SLC12A1: variants seen among roughly 807,000 people sequenced by gnomAD.
The protein encoded by SLC12A1 is solute carrier family 12 member 1.
SLC12A1 carries 89 observed loss-of-function variants against 130.4 expected under a neutral mutation model. That is an observed-to-expected ratio of 0.68 (90% CI 0.58 to 0.81). The LOEUF (loss-of-function observed/expected upper bound fraction) is 0.81, where lower values mean the gene tolerates loss of function less well. Ranked by LOEUF, SLC12A1 falls within the 40% of genes least tolerant of loss-of-function variation. SLC12A1 has a pLI of 0.00. For synonymous variants in SLC12A1, 499 were observed against 460.0 expected (o/e 1.08, Z -1.09); for missense variants, 1,310 against 1,336.4 (o/e 0.98, Z 0.31).
At chr15:48,241,162 C>T (rs968762276) in intron 9 of SLC12A1, among the ~76,000 whole-genome samples, 1 of 152,086 alleles carries the variant, frequency 6.6e-6, no homozygotes, top group Non-Finnish European at 1.5e-5. Flanking sequence ...TATATTTTCC[C>T]CTACAAATTC....
Position 48,241,732 on chromosome 15 carries a change from C to T in SLC12A1, c.1300+133C>T. 5.8e-6 allele frequency: 4 copies of T among 686,952 alleles called. No homozygotes were observed. The South Asian group carries it at 6.8e-5, about 12-fold the overall frequency. 42.6% of individuals were successfully genotyped at this position (686,952 alleles called of 1,614,324 possible). ...ACAATTTTAATTCCGTTCTTGGTACCTTAATGTTAATGATGTGGATACTTT... is the reference window on the plus strand; with the variant it reads ...ACAATTTTAATTCCGTTCTTGGTACTTTAATGTTAATGATGTGGATACTTT... On this transcript the variant is annotated intron_variant, in intron 10 of 26. Transcript: ENST00000380993.
intron 13 of SLC12A1, among the ~76,000 whole-genome samples, chr15:48,248,798 C>T (rs1434526276): frequency 6.6e-6 from 1 of 152,232 alleles, no homozygotes; most frequent in African/African-American, 2.4e-5. Flanking sequence ...CATCCTGGCA[C>T]TTTGGGAGGC....
intron 18 of SLC12A1, 42 bp downstream of exon 18, chr15:48,267,743 AT>A (rs961837384): frequency 6.2e-7 from 1 of 1,605,564 alleles, no homozygotes; most frequent in Admixed American, 1.7e-5. Context: ...GCAAAAGACA[AT>A]TAGTGCTCCA....
At chr15:48,299,320 A>C (rs1670909576) in intron 25 of SLC12A1, 45 bp downstream of exon 25, 5 of 1,489,714 alleles carry the variant, frequency 3.4e-6, no homozygotes, top group Non-Finnish European at 4.5e-6. Flanking sequence ...TAACTAGCTG[A>C]GAAAGGAAAC....
chr15:48,215,415 A>G (rs976443978), intron 2 of SLC12A1, among the ~76,000 whole-genome samples: 1 of 152,240 alleles, frequency 6.6e-6, no homozygotes, highest in Non-Finnish European at 1.5e-5. Context: ...ATAAATAATC[A>G]TTCCCTAAAG....
rs771419056 is a variant in SLC12A1, at chr15:48,285,240, C to G, written c.2620C>G (p.Pro874Ala). 2 of 1,613,260 alleles carry G rather than the reference C, an allele frequency of 1.2e-6. No individual in the cohort carries two copies. The highest frequency in any genetic ancestry group is 2.7e-5 in the African/African-American group (2 of 74,820). The change falls in exon 21 of 27, where the codon CCT (proline) becomes GCT (alanine). Residue 874 changes from proline (P) to alanine (A), a missense_variant. Pro to Ala is a conservative substitution (Grantham distance 27). Transcript: ENST00000380993. ...AGKLNITKTT[P>A]KKDGSINTSQ... ...CAAGTTGAACATTACTAAGACAACG[C>G]CTAAAAAAGGTAAGAACTTTTTAAA... is the stretch of plus-strand genomic sequence containing the variant.
At position 48,285,196 on chromosome 15, in the gene SLC12A1, G is replaced by C; in HGVS notation, c.2576G>C (p.Gly859Ala). Residue 859 changes from glycine to alanine, a missense_variant, in exon 21 of 27, where the codon GGC (glycine) becomes GCC (alanine). Transcript: ENST00000380993. ...ECEEESGGIR[G>A]LFKKAGKLNI... ...GAAGAGGAAAGTGGAGGCATCCGAG[G>C]CTTGTTTAAAAAAGCTGGCAAGTTG... 1 of 1,613,838 alleles carries C rather than the reference G, an allele frequency of 6.2e-7. No homozygotes were observed. The highest frequency in any genetic ancestry group is 1.1e-5 in the South Asian group (1 of 91,074).
At chr15:48,235,335 C>A in intron 9 of SLC12A1, 2 of 257,382 alleles carry the variant, frequency 7.8e-6, no homozygotes, top group Non-Finnish European at 1.5e-5. Context: ...GGAATATTTT[C>A]CTGTAAAAGT....
intron 13 of SLC12A1, among the ~76,000 whole-genome samples, chr15:48,248,246 G>A (rs1225139883): frequency 6.6e-6 from 1 of 152,170 alleles, no homozygotes; most frequent in Non-Finnish European, 1.5e-5. Context: ...CTCAGGAAGG[G>A]ACTATAATTC....
At chr15:48,208,467 C>T (rs780721629) in intron 2 of SLC12A1, among the ~76,000 whole-genome samples, 4 of 152,036 alleles carry the variant, frequency 2.6e-5, no homozygotes, top group Non-Finnish European at 5.9e-5. Flanking sequence ...CATGCACCAC[C>T]ACACCTGACT....
At chr15:48,230,299 A>G (rs2041356085) in intron 6 of SLC12A1, 94 bp from the exon 7 acceptor site, 1 of 725,360 alleles carries the variant, frequency 1.4e-6, no homozygotes, top group African/African-American at 1.8e-5. Flanking sequence ...CCCCAGGTGT[A>G]ATTGTATAGT....
At chr15:48,272,560 A>G (rs2041909130) in intron 19 of SLC12A1, among the ~76,000 whole-genome samples, 1 of 152,030 alleles carries the variant, frequency 6.6e-6, no homozygotes. Context: ...CCAAGTAACC[A>G]GGACTACAGG....
intron 1 of SLC12A1, among the ~76,000 whole-genome samples, chr15:48,206,946 TCA>T (rs906607153): frequency 2.6e-5 from 4 of 152,316 alleles, no homozygotes; most frequent in African/African-American, 7.2e-5. Flanking sequence ...ATCTAAGAAT[TCA>T]CAGAGACATC....
chr15:48,226,612 C>G (rs36009154), intron 5 of SLC12A1, 41 bp downstream of exon 5: 1 of 1,231,496 alleles, frequency 8.1e-7, no homozygotes, highest in South Asian at 1.3e-5. Context: ...TCACTTGCTA[C>G]GGGTAGGCGA....
At chr15:48,250,674 C>CCCCACACACACA (rs750040638) in intron 14 of SLC12A1, among the ~76,000 whole-genome samples, 1 of 56,128 alleles carries the variant, frequency 1.8e-5, no homozygotes, top group African/African-American at 9.3e-5. Context: ...AAAATGTCTG[C>CCCCACACACACA]CTCACACACA....
intron 2 of SLC12A1, among the ~76,000 whole-genome samples, chr15:48,209,327 A>G (rs925414050): frequency 6.6e-6 from 1 of 152,154 alleles, no homozygotes; most frequent in Non-Finnish European, 1.5e-5. Context: ...TCAGCCTCCC[A>G]AAGTGCTGGG....
chr15:48,245,004 T>C lies in SLC12A1; in HGVS notation c.1452+100T>C, dbSNP rs2041561586. 8.2e-6 allele frequency: 9 copies of C among 1,092,794 alleles called. No individual in the cohort carries two copies. In the East Asian group the frequency reaches 2.3e-4, roughly 27 times the overall value. The allele number at this position is 1,092,794 out of a possible 1,614,324, so 67.7% of individuals were successfully genotyped here. On this transcript the variant is annotated intron_variant, in intron 11 of 26. Transcript: ENST00000380993. The stretch of plus-strand genomic sequence containing the variant: ...AATCTGCAACTGATTGATTATTGGC[T>C]GATAAGAATCCAGCATGGAATGATT...
At chr15:48,206,630 G>A (rs993501418) in intron 1 of SLC12A1, among the ~76,000 whole-genome samples, 3 of 151,974 alleles carry the variant, frequency 2.0e-5, no homozygotes, top group African/African-American at 7.2e-5. Context: ...TATCAATAAG[G>A]AAATATAATT....
Position 48,299,132 on chromosome 15 carries a change from A to G in SLC12A1, c.2961-8A>G, listed in dbSNP as rs1188913002. 6.3e-7 allele frequency: 1 copy of G among 1,597,812 alleles called. No individual in the cohort carries two copies. Among genetic ancestry groups the G allele is most frequent in the Non-Finnish European group, 8.5e-7 (1 of 1,175,102 alleles). ...ACTGTGAGGCCTCCTTTATAATTCA[A>G]ATTTTAGCTGGAAAGTCTTTGAAGA... On this transcript the variant is annotated splice_region_variant and splice_polypyrimidine_tract_variant and intron_variant, in intron 24 of 26. Transcript: ENST00000380993.
Sources: allele counts gnomAD v4.1 joint callset (sites outside exome capture counted in the v4.1 genomes callset), GRCh38; gene constraint gnomAD v4.1.1; transcripts MANE v1.5; gene names NCBI Gene and HGNC (gene_info 2026-07-23, HGNC 2026-07-21).